The following MYO16 variants were observed in gnomAD, a reference collection of about 807,000 sequenced individuals.
MYO16 encodes unconventional myosin-XVI.
Under a neutral mutation model 205.3 loss-of-function variants are expected in MYO16, and 94 were observed. That is an observed-to-expected ratio of 0.46 (90% confidence interval 0.39 to 0.54). MYO16 has a LOEUF of 0.54. Ranked by LOEUF, MYO16 falls within the 20% of genes least tolerant of loss-of-function variation. MYO16 has a pLI of 0.00. For synonymous variants in MYO16, 988 were observed against 954.0 expected, an observed-to-expected ratio of 1.04 and a Z score of -0.66; for missense variants, 2,315 against 2,387.5, an observed-to-expected ratio of 0.97 and a Z score of 0.63.
chr13:109,149,296 C>G (rs779470835), intron 32 of MYO16, among the ~76,000 whole-genome samples: 7 of 152,168 alleles, frequency 4.6e-5, no homozygotes, highest in Non-Finnish European at 7.3e-5. Flanking sequence ...GTAAGTGGCT[C>G]TCTCCTGTTG....
At chr13:108,986,096 T>C (rs1884622684) in intron 20 of MYO16, among the ~76,000 whole-genome samples, 1 of 152,022 alleles carries the variant, frequency 6.6e-6, no homozygotes, top group Admixed American at 6.6e-5. Context: ...TATAAAACCA[T>C]CAGATCTCGT....
chr13:108,594,285 C>T (rs992230322), upstream of MYO16, among the ~76,000 whole-genome samples: 3 of 152,338 alleles, frequency 2.0e-5, no homozygotes, highest in South Asian at 2.1e-4. Flanking sequence ...AAGTCTACAT[C>T]CTGTAAGTCC....
At chr13:109,145,815 G>A (rs1877303639) in intron 32 of MYO16, among the ~76,000 whole-genome samples, 1 of 152,198 alleles carries the variant, frequency 6.6e-6, no homozygotes, top group Non-Finnish European at 1.5e-5. Context: ...AATCACATGA[G>A]CATGTTATTC....
intron 7 of MYO16, among the ~76,000 whole-genome samples, chr13:108,819,915 A>G (rs945132360): frequency 1.3e-5 from 2 of 152,172 alleles, no homozygotes; most frequent in African/African-American, 4.8e-5. Flanking sequence ...TATGGCATAT[A>G]GTCTACACTG....
chr13:108,779,297 C>G (rs1294964348), intron 4 of MYO16, among the ~76,000 whole-genome samples: 1 of 152,138 alleles, frequency 6.6e-6, no homozygotes, highest in Non-Finnish European at 1.5e-5. Context: ...TCCAGAATTA[C>G]CACCAATCAT....
intron 27 of MYO16, among the ~76,000 whole-genome samples, chr13:109,099,001 G>A (rs1294837800): frequency 6.6e-6 from 1 of 152,150 alleles, no homozygotes; most frequent in African/African-American, 2.4e-5. Context: ...TCGACCTTGA[G>A]TTCTTTGGCA....
chr13:108,886,212 C>T (rs1594370277), intron 13 of MYO16, among the ~76,000 whole-genome samples: 2 of 152,286 alleles, frequency 1.3e-5, no homozygotes, highest in Non-Finnish European at 2.9e-5. Flanking sequence ...TGGTCTCGAT[C>T]TCCTGACCTT....
intron 7 of MYO16, among the ~76,000 whole-genome samples, chr13:108,812,001 G>C (rs192243943): frequency 6.6e-6 from 1 of 152,234 alleles, no homozygotes; most frequent in Non-Finnish European, 1.5e-5. Flanking sequence ...CTTAGGTCTC[G>C]TGTTTTATTT....
intron 27 of MYO16, among the ~76,000 whole-genome samples, chr13:109,057,929 GC>G (rs1274737509): frequency 6.6e-6 from 1 of 152,012 alleles, no homozygotes; most frequent in African/African-American, 2.4e-5. Context: ...AGGGTGATGA[GC>G]CTTGAGACGT....
At chr13:108,529,175 T>C in the MYO16 span, among the ~76,000 whole-genome samples, 1 of 152,212 alleles carries the variant, frequency 6.6e-6, no homozygotes, top group Non-Finnish European at 1.5e-5. Flanking sequence ...TCCTTATATT[T>C]TTTATTGTTA....
intron 1 of MYO16, among the ~76,000 whole-genome samples, chr13:108,660,606 T>C (rs972661136): frequency 2.0e-5 from 3 of 152,230 alleles, no homozygotes; most frequent in African/African-American, 7.2e-5. Context: ...CTGCTTCCTT[T>C]TGGTGTCCAT....
At chr13:108,852,453 T>C (rs1385020901) in intron 10 of MYO16, among the ~76,000 whole-genome samples, 1 of 152,190 alleles carries the variant, frequency 6.6e-6, no homozygotes, top group East Asian at 1.9e-4. Flanking sequence ...AAAAACTACA[T>C]GTCCTCTCTG....
chr13:108,869,203 A>C (rs530072522), intron 12 of MYO16, among the ~76,000 whole-genome samples: 1 of 152,116 alleles, frequency 6.6e-6, no homozygotes, highest in Non-Finnish European at 1.5e-5. Flanking sequence ...TTTACAGTTC[A>C]ATTTAGAAAC....
At chr13:109,159,104 A>C (rs1878231337) in intron 32 of MYO16, among the ~76,000 whole-genome samples, 1 of 152,242 alleles carries the variant, frequency 6.6e-6, no homozygotes, top group Non-Finnish European at 1.5e-5. Context: ...TGAATTCTCA[A>C]ACCATGGGTC....
chr13:108,960,613 G>A (rs546656382), intron 17 of MYO16, among the ~76,000 whole-genome samples: 5 of 152,256 alleles, frequency 3.3e-5, no homozygotes, highest in South Asian at 2.1e-4. Context: ...TCTTAGAACC[G>A]CTTCCACAGT....
intron 27 of MYO16, among the ~76,000 whole-genome samples, chr13:109,094,080 C>T (rs1888702761): frequency 1.3e-5 from 2 of 152,314 alleles, no homozygotes; most frequent in Admixed American, 6.5e-5. Context: ...CATGCACCAC[C>T]CCCACTCCAC....
At chr13:108,969,939 C>T (rs183345962) in intron 20 of MYO16, among the ~76,000 whole-genome samples, 186 of 152,274 alleles carry the variant, frequency 1.2e-3, no homozygotes, top group South Asian at 2.5e-3. Context: ...TGTTTTGCCT[C>T]ATTACTGAAG....
chr13:108,942,583 A>T (rs189929591), intron 16 of MYO16, among the ~76,000 whole-genome samples: 1 of 152,190 alleles, frequency 6.6e-6, no homozygotes, highest in African/African-American at 2.4e-5. Context: ...GCATATCACT[A>T]TTCTGTATAA....
At chr13:108,589,614 C>T in the MYO16 span, among the ~76,000 whole-genome samples, 135 of 152,224 alleles carry the variant, frequency 8.9e-4, 1 homozygote, top group Non-Finnish European at 1.5e-3. Context: ...ACTTATTTTA[C>T]CTTTTCGAAA....
Sources: gnomAD v4.1 joint callset for allele counts (sites outside exome capture counted in the v4.1 genomes callset) on GRCh38, gnomAD v4.1.1 for gene constraint, MANE v1.5 for transcripts, NCBI Gene and HGNC (gene_info 2026-07-23, HGNC 2026-07-21) for gene names.